CRB1: variants seen among roughly 807,000 people sequenced by gnomAD.
CRB1 encodes crumbs cell polarity complex component 1.
CRB1 carries 83 observed loss-of-function variants against 120.0 expected under a neutral mutation model. That is an observed-to-expected ratio of 0.69 (90% CI 0.58 to 0.83). The LOEUF is 0.83. Ranked by LOEUF, CRB1 falls within the 40% of genes least tolerant of loss-of-function variation. The pLI, the probability that CRB1 is intolerant of heterozygous loss-of-function variation, is 0.00. For missense variants in CRB1, 1,699 were observed against 1,687.6 expected, an observed-to-expected ratio of 1.01 and a Z score of -0.12; for synonymous variants, 625 against 612.5, an observed-to-expected ratio of 1.02 and a Z score of -0.30.
intron 11 of CRB1, 22 bp downstream of exon 11, chr1:197,442,314 G>GTC: frequency 3.7e-6 from 6 of 1,613,996 alleles, no homozygotes; most frequent in Non-Finnish European, 5.1e-6. Flanking sequence ...CTCCTTTTAT[G>GTC]TCTCTCTCTT....
At chr1:197,343,968 G>C (rs1659618272) in intron 2 of CRB1, among the ~76,000 whole-genome samples, 1 of 152,136 alleles carries the variant, frequency 6.6e-6, no homozygotes, top group Admixed American at 6.5e-5. Flanking sequence ...GAAAAACATC[G>C]ACCAGCCACT....
intron 5 of CRB1, among the ~76,000 whole-genome samples, chr1:197,417,411 A>G (rs1185258537): frequency 1.3e-5 from 2 of 152,214 alleles, no homozygotes; most frequent in Non-Finnish European, 2.9e-5. Context: ...TGGGGAACCC[A>G]TGGTAGGAGC....
intron 4 of CRB1, among the ~76,000 whole-genome samples, chr1:197,352,916 A>C (rs1267848977): frequency 6.6e-6 from 1 of 152,138 alleles, no homozygotes; most frequent in East Asian, 1.9e-4. Flanking sequence ...TCCCTGGTTT[A>C]TGTGCTAAAC....
intron 5 of CRB1, among the ~76,000 whole-genome samples, chr1:197,359,362 T>C (rs1033914130): frequency 9.2e-5 from 14 of 151,670 alleles, no homozygotes; most frequent in Non-Finnish European, 1.5e-4. Flanking sequence ...TTTTTTTTTT[T>C]CCACTCAGCA....
At chr1:197,441,220 A>G (rs1375564380) in intron 10 of CRB1, 2 of 152,168 alleles carry the variant, frequency 1.3e-5, no homozygotes, top group Non-Finnish European at 2.9e-5. Flanking sequence ...ATTTTATATA[A>G]ATTTTCAAAA....
At chr1:197,341,329 G>T (rs913020009) in intron 2 of CRB1, among the ~76,000 whole-genome samples, 3 of 152,124 alleles carry the variant, frequency 2.0e-5, no homozygotes, top group Admixed American at 6.5e-5. Context: ...GATCACTTGA[G>T]GTCAGGAGTT....
the CRB1 span, among the ~76,000 whole-genome samples, chr1:197,238,198 T>G: frequency 1.3e-5 from 2 of 152,284 alleles, no homozygotes; most frequent in East Asian, 3.9e-4. Context: ...ATTTTATTGT[T>G]GTCAGAGAAC....
chr1:197,381,952 G>A (rs965462662), intron 5 of CRB1, among the ~76,000 whole-genome samples: 1 of 152,048 alleles, frequency 6.6e-6, no homozygotes, highest in African/African-American at 2.4e-5. Flanking sequence ...CTTTCCAAAG[G>A]GTCTCTCCTC....
chr1:197,397,696 A>G (rs1281882021), intron 5 of CRB1, among the ~76,000 whole-genome samples: 1 of 152,204 alleles, frequency 6.6e-6, no homozygotes, highest in African/African-American at 2.4e-5. Context: ...TCTAAGTGAA[A>G]GTAGCAAGGT....
At chr1:197,237,315 G>A in the CRB1 span, among the ~76,000 whole-genome samples, 2 of 152,122 alleles carry the variant, frequency 1.3e-5, no homozygotes, top group Non-Finnish European at 2.9e-5. Flanking sequence ...CAGTTCTTGA[G>A]GCTGAGAAGT....
At chr1:197,281,818 C>T (rs573980456) in intron 1 of CRB1, among the ~76,000 whole-genome samples, 14 of 151,562 alleles carry the variant, frequency 9.2e-5, no homozygotes, top group South Asian at 2.1e-4. Context: ...TAGTAATGCA[C>T]GGAAAATATA....
chr1:197,473,907 A>C (rs1667094024), intron 11 of CRB1, among the ~76,000 whole-genome samples: 1 of 152,056 alleles, frequency 6.6e-6, no homozygotes, highest in African/African-American at 2.4e-5. Flanking sequence ...GGCCCTGAAG[A>C]GGCGATTTCA....
chr1:197,457,275 T>C (rs1231793715), intron 11 of CRB1, among the ~76,000 whole-genome samples: 1 of 152,106 alleles, frequency 6.6e-6, no homozygotes, highest in African/African-American at 2.4e-5. Flanking sequence ...CCCGAAACTA[T>C]GCTCAGGTCA....
intron 11 of CRB1, among the ~76,000 whole-genome samples, chr1:197,461,465 T>C (rs983831589): frequency 6.6e-5 from 10 of 152,136 alleles, no homozygotes; most frequent in Non-Finnish European, 1.2e-4. Flanking sequence ...ATGAAGGTGA[T>C]GCACATGTGC....
At chr1:197,406,554 ACACC>A (rs1663418481) in intron 5 of CRB1, among the ~76,000 whole-genome samples, 1 of 152,096 alleles carries the variant, frequency 6.6e-6, no homozygotes, top group Admixed American at 6.5e-5. Flanking sequence ...TCTGCGAGAA[ACACC>A]CAAGAATGAT....
chr1:197,285,343 G>A (rs1055482366), intron 1 of CRB1, among the ~76,000 whole-genome samples: 4 of 151,802 alleles, frequency 2.6e-5, no homozygotes, highest in Non-Finnish European at 5.9e-5. Context: ...AGGGATAAGA[G>A]AATAGATGAG....
chr1:197,429,741 A>C, intron 8 of CRB1, 127 bp downstream of exon 8: 1 of 1,003,536 alleles, frequency 1.0e-6, no homozygotes, highest in Non-Finnish European at 1.5e-6. Flanking sequence ...TGTTTCCCCT[A>C]TGCGAGTAGG....
intron 4 of CRB1, among the ~76,000 whole-genome samples, chr1:197,353,812 AAT>A (rs1194163522): frequency 0.035 from 4,160 of 117,766 alleles, 136 homozygotes; most frequent in African/African-American, 0.14. Flanking sequence ...AAAATATATA[AAT>A]AAAAAAAAAA....
the CRB1 span, among the ~76,000 whole-genome samples, chr1:197,225,644 C>A: frequency 1.3e-5 from 2 of 152,206 alleles, no homozygotes; most frequent in African/African-American, 4.8e-5. Context: ...GCTACACTTA[C>A]TCTTAATTAC....
Sources: gnomAD v4.1 joint callset for allele counts (sites outside exome capture counted in the v4.1 genomes callset) on GRCh38, gnomAD v4.1.1 for gene constraint, MANE v1.5 for transcripts, NCBI Gene and HGNC (gene_info 2026-07-23, HGNC 2026-07-21) for gene names.